The following TSPAN9 variants were observed in gnomAD, a reference collection of about 807,000 sequenced individuals.
TSPAN9 encodes tetraspanin-9.
In TSPAN9, 16 loss-of-function variants were observed where a neutral mutation model predicts 31.0. The ratio of observed to expected loss-of-function variants is 0.52; its 90% CI spans 0.35 to 0.78. TSPAN9 has a LOEUF of 0.78. Ranked by LOEUF, TSPAN9 falls within the 30% of genes least tolerant of loss-of-function variation. The pLI is 0.01. For synonymous variants in TSPAN9, 145 were observed against 121.6 expected (o/e 1.19, Z -1.27); for missense variants, 272 against 312.5 (o/e 0.87, Z 0.98).
chr12:3,240,197 C>G (rs1423374019), intron 3 of TSPAN9, among the ~76,000 whole-genome samples: 1 of 152,144 alleles, frequency 6.6e-6, no homozygotes, highest in African/African-American at 2.4e-5. Flanking sequence ...AAAGCAGGTC[C>G]CAGACATCCT....
Position 3,281,257 on chromosome 12 carries a change from G to A in TSPAN9, c.492G>A (p.Thr164=), listed in dbSNP as rs1004762961. 12 of 1,551,208 alleles carry A rather than the reference G, an allele frequency of 7.7e-6. No individual in the cohort carries two copies. The African/African-American group carries it at 8.2e-5, about 11-fold the overall frequency. The change falls in exon 7 of 9, where the codon ACG becomes ACA. Residue 164 remains threonine, a synonymous_variant. Coordinates refer to ENST00000011898, the MANE Select transcript of TSPAN9 (RefSeq NM_006675.5). The part of the protein sequence containing the change: ...TDWYPVLGEN[T]VPDRCCMENS... ...GGTACCCAGTGCTGGGGGAGAACAC[G>A]GTTCCCGACCGCTGCTGCATGGAGA... is the stretch of plus-strand genomic sequence containing the variant.
intron 2 of TSPAN9, among the ~76,000 whole-genome samples, chr12:3,189,969 T>A (rs112990012): frequency 0.019 from 2,821 of 152,328 alleles, 30 homozygotes; most frequent in Non-Finnish European, 0.029. Flanking sequence ...CCTCTCACTC[T>A]ATCAGCGAGA....
At chr12:3,138,788 T>C (rs563477417) in intron 2 of TSPAN9, among the ~76,000 whole-genome samples, 3 of 152,262 alleles carry the variant, frequency 2.0e-5, no homozygotes, top group South Asian at 4.2e-4. Context: ...ACCCTGTTTC[T>C]TCTTTGTTTT....
chr12:3,281,303 A>C lies in TSPAN9; in HGVS notation c.538A>C (p.Asn180His). The stretch of plus-strand genomic sequence containing the variant: ...GGAGAACTCCCAGGGCTGCGGGCGC[A>C]ACGCCACCACGCCTTTGTGGAGAAC... ...CMENSQGCGR[N>H]ATTPLWRTGC... Residue 180 changes from asparagine to histidine, a missense_variant, in exon 7 of 9, where the codon AAC (asparagine) becomes CAC (histidine). Coordinates refer to ENST00000011898, the MANE Select transcript of TSPAN9 (RefSeq NM_006675.5). 6.4e-7 allele frequency: 1 copy of C among 1,550,980 alleles called. No homozygotes were observed. The highest frequency in any genetic ancestry group is 8.7e-7 in the Non-Finnish European group (1 of 1,146,852).
intron 2 of TSPAN9, among the ~76,000 whole-genome samples, chr12:3,157,265 A>G (rs574942418): frequency 3.3e-5 from 5 of 152,004 alleles, no homozygotes; most frequent in Non-Finnish European, 7.4e-5. Context: ...ATGCCCGGCT[A>G]ATTTGTTTTG....
intron 3 of TSPAN9, among the ~76,000 whole-genome samples, chr12:3,270,632 G>T (rs1270672560): frequency 2.6e-5 from 4 of 152,272 alleles, no homozygotes; most frequent in African/African-American, 9.6e-5. Flanking sequence ...CTCCCAGCTA[G>T]GGGCCAGAGG....
At chr12:3,138,562 A>ATCC (rs1371501617) in intron 2 of TSPAN9, among the ~76,000 whole-genome samples, 1 of 150,752 alleles carries the variant, frequency 6.6e-6, no homozygotes, top group Non-Finnish European at 1.5e-5. Context: ...GGCTCAAGTG[A>ATCC]TCCTCCCTCC....
chr12:3,134,912 G>T (rs1243308815), intron 2 of TSPAN9, among the ~76,000 whole-genome samples: 1 of 152,122 alleles, frequency 6.6e-6, no homozygotes, highest in Non-Finnish European at 1.5e-5. Flanking sequence ...ATAGAAGGGA[G>T]GAAGAAGAAC....
In TSPAN9 at chr12:3,151,698, G is replaced by A. The variant is rs2153968629; in HGVS notation, c.-17-49479G>A. Among the ~76,000 whole-genome samples, 4 of 152,244 alleles carry A rather than the reference G, an allele frequency of 2.6e-5. No individual in the cohort carries two copies. The Middle Eastern group carries it at 0.014, about 518-fold the overall frequency. On this transcript the variant is annotated intron_variant, in intron 2 of 8. Coordinates refer to ENST00000011898, the MANE Select transcript of TSPAN9 (RefSeq NM_006675.5). ...AAACCCAGATATGAAACAGAATAGG[G>A]CAGCCTCCAACGTGAAATGTCTCTT...
chr12:3,266,040 A>G (rs892845714), intron 3 of TSPAN9, among the ~76,000 whole-genome samples: 2 of 152,008 alleles, frequency 1.3e-5, no homozygotes, highest in African/African-American at 4.8e-5. Flanking sequence ...CATCCCCACT[A>G]GTGTCTTCAC....
intron 2 of TSPAN9, among the ~76,000 whole-genome samples, chr12:3,185,281 G>A (rs2098360603): frequency 6.6e-6 from 1 of 152,150 alleles, no homozygotes; most frequent in East Asian, 1.9e-4. Flanking sequence ...CCTTTCTTTG[G>A]CCTGTGCTTT....
chr12:3,159,593 A>T (rs1363408329), intron 2 of TSPAN9, among the ~76,000 whole-genome samples: 1 of 152,172 alleles, frequency 6.6e-6, no homozygotes, highest in African/African-American at 2.4e-5. Flanking sequence ...GGGGCCTGGC[A>T]CCATGGCTCA....
At chr12:3,109,193 C>T (rs1290824501) in intron 2 of TSPAN9, among the ~76,000 whole-genome samples, 1 of 151,560 alleles carries the variant, frequency 6.6e-6, no homozygotes, top group Non-Finnish European at 1.5e-5. Flanking sequence ...GCCTTGGCCT[C>T]CCAGAGTGCT....
intron 2 of TSPAN9, among the ~76,000 whole-genome samples, chr12:3,134,135 C>T (rs2098331035): frequency 6.6e-6 from 1 of 152,140 alleles, no homozygotes; most frequent in Non-Finnish European, 1.5e-5. Context: ...TGGCCTTCCT[C>T]GTCAGCCTTT....
intron 2 of TSPAN9, among the ~76,000 whole-genome samples, chr12:3,137,804 T>C (rs545268691): frequency 6.6e-6 from 1 of 152,116 alleles, no homozygotes; most frequent in Non-Finnish European, 1.5e-5. Context: ...TTTTCTTTTT[T>C]TCTAGGGGAA....
In TSPAN9 at chr12:3,198,397, AC is replaced by A. The variant is rs762713563; in HGVS notation, c.-17-2778del. ...GCACAGGCCACCACCAGCACAGGTCACCACCAGCACAGGTCACACCAGCACA... is the reference window on the plus strand; with the variant it reads ...GCACAGGCCACCACCAGCACAGGTCACACCAGCACAGGTCACACCAGCACA... On this transcript the variant is annotated intron_variant, in intron 2 of 8. Transcript: ENST00000011898. Among the ~76,000 whole-genome samples the A allele has an allele frequency of 6.9e-3, 517 of 74,776 alleles. 1 individual carries two copies. Among genetic ancestry groups the A allele is most frequent in the South Asian group, 0.017 (29 of 1,756 alleles). The allele number at this position is 74,776 out of a possible 152,430, so 49.1% of individuals were successfully genotyped here.
intron 3 of TSPAN9, among the ~76,000 whole-genome samples, chr12:3,227,858 G>C (rs556086288): frequency 6.6e-6 from 1 of 152,220 alleles, no homozygotes; most frequent in Non-Finnish European, 1.5e-5. Context: ...GGTGGTACAG[G>C]TTTGACTTCT....
intron 1 of TSPAN9, among the ~76,000 whole-genome samples, chr12:3,081,860 TGTG>T (rs1375356519): frequency 6.5e-5 from 2 of 30,910 alleles, no homozygotes; most frequent in Non-Finnish European, 1.2e-4. Context: ...ATATGCCAGG[TGTG>T]GTGGTACACA....
chr12:3,157,365 T>C (rs1271913326), intron 2 of TSPAN9, among the ~76,000 whole-genome samples: 10 of 152,158 alleles, frequency 6.6e-5, no homozygotes, highest in Admixed American at 5.9e-4. Flanking sequence ...CCTCCCAAAG[T>C]GCTAGGATTA....
Sources: allele counts gnomAD v4.1 joint callset (sites outside exome capture counted in the v4.1 genomes callset), GRCh38; gene constraint gnomAD v4.1.1; transcripts MANE v1.5; gene names NCBI Gene and HGNC (gene_info 2026-07-23, HGNC 2026-07-21).